Variants in KCNQ5 observed in about 807,000 individuals in gnomAD.
KCNQ5 encodes the protein potassium voltage-gated channel subfamily KQT member 5.
Under a neutral mutation model 98.2 loss-of-function variants are expected in KCNQ5, and 30 were observed. That is an observed-to-expected ratio of 0.31 (90% CI 0.23 to 0.41). The LOEUF is 0.41. Ranked by LOEUF, KCNQ5 falls within the 10% of genes least tolerant of loss-of-function variation. KCNQ5 has a pLI of 1.00. For missense variants in KCNQ5, 835 were observed against 1,182.5 expected (o/e 0.71, Z 4.31); for synonymous variants, 458 against 449.4 (o/e 1.02, Z -0.24).
At chr6:72,643,173 C>G (rs539728942) in intron 1 of KCNQ5, among the ~76,000 whole-genome samples, 30 of 152,146 alleles carry the variant, frequency 2.0e-4, no homozygotes, top group Non-Finnish European at 2.1e-4. Context: ...GGCTTAGTAC[C>G]TGGGTAACAA....
At chr6:72,953,842 A>G (rs1766919156) in intron 1 of KCNQ5, among the ~76,000 whole-genome samples, 1 of 152,212 alleles carries the variant, frequency 6.6e-6, no homozygotes, top group South Asian at 2.1e-4. Flanking sequence ...AAGAAAATGA[A>G]GAGAGGCAGT....
At chr6:72,731,008 G>T (rs1195269693) in intron 1 of KCNQ5, among the ~76,000 whole-genome samples, 1 of 152,058 alleles carries the variant, frequency 6.6e-6, no homozygotes, top group African/African-American at 2.4e-5. Context: ...TATGGTTCTT[G>T]CATATTTCTC....
chr6:73,006,682 G>C (rs1021233221), intron 2 of KCNQ5, among the ~76,000 whole-genome samples: 1 of 152,046 alleles, frequency 6.6e-6, no homozygotes, highest in African/African-American at 2.4e-5. Flanking sequence ...TAAAATGTTT[G>C]CAAAAATGTA....
chr6:72,971,990 TAAA>T (rs1388008526), intron 1 of KCNQ5, among the ~76,000 whole-genome samples: 1 of 152,034 alleles, frequency 6.6e-6, no homozygotes, highest in Non-Finnish European at 1.5e-5. Flanking sequence ...AGTATAATTT[TAAA>T]AAAGAGGTGC....
At chr6:73,152,529 A>T (rs1777192968) in intron 10 of KCNQ5, among the ~76,000 whole-genome samples, 1 of 152,150 alleles carries the variant, frequency 6.6e-6, no homozygotes, top group African/African-American at 2.4e-5. Flanking sequence ...ATTTTGCCTT[A>T]TATCTGTGAA....
chr6:72,625,345 A>G (rs1031264643), intron 1 of KCNQ5, among the ~76,000 whole-genome samples: 6 of 152,192 alleles, frequency 3.9e-5, no homozygotes, highest in African/African-American at 1.4e-4. Flanking sequence ...AAATTAGTGG[A>G]GATTAGGAGA....
chr6:73,050,803 A>G (rs1772200532), intron 3 of KCNQ5, among the ~76,000 whole-genome samples: 1 of 152,144 alleles, frequency 6.6e-6, no homozygotes, highest in African/African-American at 2.4e-5. Context: ...TAATTTTGTC[A>G]TTTTTATAAT....
chr6:73,062,132 A>G (rs1051357805), intron 3 of KCNQ5, among the ~76,000 whole-genome samples: 1 of 152,108 alleles, frequency 6.6e-6, no homozygotes, highest in African/African-American at 2.4e-5. Flanking sequence ...TATGGTACCT[A>G]AAGGATGTGG....
At chr6:72,774,893 C>A (rs1283888002) in intron 1 of KCNQ5, among the ~76,000 whole-genome samples, 1 of 152,134 alleles carries the variant, frequency 6.6e-6, no homozygotes, top group Non-Finnish European at 1.5e-5. Context: ...GTGGGTACAA[C>A]TCCTTTGGAA....
chr6:73,130,880 A>C (rs1196397266), intron 9 of KCNQ5, among the ~76,000 whole-genome samples: 3 of 152,212 alleles, frequency 2.0e-5, no homozygotes, highest in Non-Finnish European at 2.9e-5. Flanking sequence ...ATTATGTCAA[A>C]AGAGAAAGTG....
chr6:73,042,091 C>T (rs753441477), intron 3 of KCNQ5, 29 bp downstream of exon 3: 2 of 1,612,626 alleles, frequency 1.2e-6, no homozygotes, highest in South Asian at 1.1e-5. Context: ...GATACCTGGA[C>T]TATGACACCA....
intron 10 of KCNQ5, among the ~76,000 whole-genome samples, chr6:73,138,064 T>C (rs185457438): frequency 6.6e-6 from 1 of 152,246 alleles, no homozygotes; most frequent in African/African-American, 2.4e-5. Context: ...ATTAGGCAAA[T>C]TGGGGAAATG....
At chr6:72,728,596 A>G in intron 1 of KCNQ5, among the ~76,000 whole-genome samples, 1 of 152,232 alleles carries the variant, frequency 6.6e-6, no homozygotes, top group Non-Finnish European at 1.5e-5. Context: ...GAAAATTGCC[A>G]GGTCTTCCTA....
intron 1 of KCNQ5, among the ~76,000 whole-genome samples, chr6:72,928,938 A>T (rs1246889617): frequency 1.3e-5 from 2 of 152,138 alleles, no homozygotes; most frequent in East Asian, 3.8e-4. Context: ...ATATAAAGAT[A>T]AGTAAGACTT....
At chr6:72,850,235 T>A (rs1164014717) in intron 1 of KCNQ5, among the ~76,000 whole-genome samples, 1 of 152,190 alleles carries the variant, frequency 6.6e-6, no homozygotes, top group Non-Finnish European at 1.5e-5. Flanking sequence ...ACAGAATTGC[T>A]GTCCAGTACA....
chr6:73,047,143 A>G (rs1203440286), intron 3 of KCNQ5, among the ~76,000 whole-genome samples: 2 of 152,212 alleles, frequency 1.3e-5, no homozygotes, highest in Non-Finnish European at 2.9e-5. Flanking sequence ...ATTTAATTGA[A>G]CCTTATCTAT....
At chr6:73,154,529 G>A (rs1777277323) in intron 10 of KCNQ5, among the ~76,000 whole-genome samples, 3 of 151,984 alleles carry the variant, frequency 2.0e-5, no homozygotes, top group Admixed American at 2.0e-4. Flanking sequence ...ATATTAATAT[G>A]GATGATACAG....
At chr6:72,933,328 T>G (rs1013764794) in intron 1 of KCNQ5, among the ~76,000 whole-genome samples, 3 of 152,240 alleles carry the variant, frequency 2.0e-5, no homozygotes, top group African/African-American at 7.2e-5. Context: ...TTTATCTCTC[T>G]GCATCTGATT....
intron 1 of KCNQ5, among the ~76,000 whole-genome samples, chr6:72,936,176 G>A (rs185652532): frequency 6.6e-6 from 1 of 152,300 alleles, no homozygotes; most frequent in Admixed American, 6.5e-5. Flanking sequence ...CCAGAGTCTT[G>A]ATGTCACCCA....
Sources: allele counts gnomAD v4.1 joint callset (sites outside exome capture counted in the v4.1 genomes callset), GRCh38; gene constraint gnomAD v4.1.1; transcripts MANE v1.5; gene names NCBI Gene and HGNC (gene_info 2026-07-23, HGNC 2026-07-21).